The following CHRM2 variants were observed in gnomAD, a reference collection of about 807,000 sequenced individuals.
CHRM2 encodes muscarinic acetylcholine receptor M2.
Under a neutral mutation model 25.0 loss-of-function variants are expected in CHRM2, and 8 were observed. The observed-to-expected ratio is 0.32, with a 90% CI of 0.19 to 0.58. CHRM2 has a LOEUF of 0.58. CHRM2 is among the 20% of genes least tolerant of loss of function. CHRM2 has a pLI of 0.88. For synonymous variants in CHRM2, 202 were observed against 205.7 expected (o/e 0.98, Z 0.15); for missense variants, 440 against 567.1 (o/e 0.78, Z 2.28).
At chr7:136,873,176 T>C (rs1251114217) in intron 2 of CHRM2, among the ~76,000 whole-genome samples, 1 of 152,234 alleles carries the variant, frequency 6.6e-6, no homozygotes. Flanking sequence ...TTTTGCTTCC[T>C]GTACCCACTC....
intron 2 of CHRM2, among the ~76,000 whole-genome samples, chr7:136,923,142 A>T (rs1049790984): frequency 1.3e-5 from 2 of 152,156 alleles, no homozygotes; most frequent in Non-Finnish European, 2.9e-5. Context: ...ATTTTATGGA[A>T]GATATTTTCT....
chr7:136,883,796 G>A (rs549187396), intron 2 of CHRM2, among the ~76,000 whole-genome samples: 3 of 152,218 alleles, frequency 2.0e-5, no homozygotes, highest in African/African-American at 7.2e-5. Flanking sequence ...ATTCAAACAT[G>A]AGCGACTGTC....
chr7:136,925,941 A>C (rs1057209186), intron 2 of CHRM2, among the ~76,000 whole-genome samples: 1 of 152,182 alleles, frequency 6.6e-6, no homozygotes, highest in African/African-American at 2.4e-5. Flanking sequence ...CCTAACCCCT[A>C]CTTATAGTCT....
chr7:136,880,118 A>T (rs528793223), intron 2 of CHRM2, among the ~76,000 whole-genome samples: 10 of 151,102 alleles, frequency 6.6e-5, no homozygotes, highest in African/African-American at 2.2e-4. Context: ...CTTAGTGCGT[A>T]AGGTTTGTTA....
intron 3 of CHRM2, among the ~76,000 whole-genome samples, chr7:137,014,151 T>C (rs1038968224): frequency 5.3e-5 from 8 of 152,068 alleles, no homozygotes; most frequent in African/African-American, 1.9e-4. Flanking sequence ...CAAATATTCT[T>C]GTGTAAGATA....
chr7:136,918,393 C>T (rs1798240176), intron 2 of CHRM2, among the ~76,000 whole-genome samples: 1 of 151,910 alleles, frequency 6.6e-6, no homozygotes, highest in Non-Finnish European at 1.5e-5. Context: ...TAATAAAGAG[C>T]AGTAAAAAGT....
rs1805247274 is a variant in CHRM2, at chr7:137,017,479, C to G, written c.*1213C>G. On this transcript the variant is annotated 3_prime_UTR_variant, in exon 4 of 4. Transcript: ENST00000680005. ...GTCCCTAGAGAATAGAACCTTCTAT[C>G]CAATGCCTGCTAAAGGATGATATTC... 1 of 151,954 alleles carries G rather than the reference C, an allele frequency of 6.6e-6. No homozygotes were observed. Among genetic ancestry groups the G allele is most frequent in the Non-Finnish European group, 1.5e-5 (1 of 67,940 alleles). 9.4% of individuals were successfully genotyped at this position (151,954 alleles called of 1,614,324 possible). A position where few individuals can be genotyped will look rare whatever the true frequency, so the allele number is the denominator to read the frequency against.
At chr7:136,935,533 T>G (rs1799363912) in intron 2 of CHRM2, among the ~76,000 whole-genome samples, 1 of 152,176 alleles carries the variant, frequency 6.6e-6, no homozygotes, top group South Asian at 2.1e-4. Flanking sequence ...ATTTACAAAT[T>G]GTCTTGAACT....
chr7:136,888,546 G>A (rs572492572), intron 2 of CHRM2, among the ~76,000 whole-genome samples: 1 of 152,224 alleles, frequency 6.6e-6, no homozygotes, highest in Non-Finnish European at 1.5e-5. Flanking sequence ...TTGGGCAAAA[G>A]GTCTCTGTGG....
At chr7:136,879,585 T>C (rs17494540) in intron 2 of CHRM2, among the ~76,000 whole-genome samples, 20,638 of 151,922 alleles carry the variant, frequency 0.14, 1,585 homozygotes, top group Non-Finnish European at 0.18. Context: ...TATCCATCAA[T>C]ATTTTTACAT....
intron 3 of CHRM2, among the ~76,000 whole-genome samples, chr7:136,996,425 T>C (rs1309383713): frequency 5.9e-5 from 9 of 152,130 alleles, no homozygotes; most frequent in Admixed American, 4.6e-4. Flanking sequence ...ATTTTATTTA[T>C]CTGATTCACA....
Position 137,019,196 on chromosome 7 carries a change from A to G in CHRM2, c.*2930A>G, listed in dbSNP as rs1805319860. On this transcript the variant is annotated 3_prime_UTR_variant, in exon 4 of 4. Transcript: ENST00000680005. ...GGGAAAATAACCCTGCATTATTTTT[A>G]GAATATCAATGCAAATTCCTCACCT... The G allele has an allele frequency of 6.6e-6, 1 of 151,940 alleles. No homozygotes were observed. Among genetic ancestry groups the G allele is most frequent in the African/African-American group, 2.4e-5 (1 of 41,420 alleles). The allele number at this position is 151,940 out of a possible 1,614,324, so 9.4% of individuals were successfully genotyped here.
intron 2 of CHRM2, among the ~76,000 whole-genome samples, chr7:136,966,459 T>C (rs1413150731): frequency 6.6e-6 from 1 of 151,958 alleles, no homozygotes; most frequent in Non-Finnish European, 1.5e-5. Context: ...ACTAAGGTTT[T>C]CTTTTTCAAT....
chr7:136,953,781 G>A (rs1195157989), intron 2 of CHRM2, among the ~76,000 whole-genome samples: 2 of 151,872 alleles, frequency 1.3e-5, no homozygotes, highest in African/African-American at 4.8e-5. Flanking sequence ...AACAGGAGAA[G>A]GCAATGCAGC....
intron 2 of CHRM2, among the ~76,000 whole-genome samples, chr7:136,900,196 C>A (rs1398642619): frequency 6.6e-6 from 1 of 152,046 alleles, no homozygotes; most frequent in Non-Finnish European, 1.5e-5. Context: ...GTGATACATT[C>A]CCCAACCCTT....
At chr7:137,002,194 C>T (rs1054522279) in intron 3 of CHRM2, among the ~76,000 whole-genome samples, 1 of 151,880 alleles carries the variant, frequency 6.6e-6, no homozygotes, top group Non-Finnish European at 1.5e-5. Flanking sequence ...TTTCAATTAG[C>T]AAAAGAGTTT....
intron 2 of CHRM2, among the ~76,000 whole-genome samples, chr7:136,875,096 CACATATAT>C (rs1795998642): frequency 6.7e-6 from 1 of 148,410 alleles, no homozygotes. Context: ...TACATATATA[CACATATAT>C]ACATATATAC....
At chr7:136,904,983 T>C (rs928878392) in intron 2 of CHRM2, among the ~76,000 whole-genome samples, 2 of 152,092 alleles carry the variant, frequency 1.3e-5, no homozygotes, top group Non-Finnish European at 2.9e-5. Flanking sequence ...AAATGAGATA[T>C]GTTTATAAGT....
intron 2 of CHRM2, among the ~76,000 whole-genome samples, chr7:136,952,525 T>C (rs1383734813): frequency 6.6e-6 from 1 of 152,298 alleles, no homozygotes; most frequent in East Asian, 1.9e-4. Context: ...TCTCTACCCA[T>C]GATGACTGAG....
Sources: gnomAD v4.1 joint callset for allele counts (sites outside exome capture counted in the v4.1 genomes callset) on GRCh38, gnomAD v4.1.1 for gene constraint, MANE v1.5 for transcripts, NCBI Gene and HGNC (gene_info 2026-07-23, HGNC 2026-07-21) for gene names.